The following RAPGEF2 variants were observed in gnomAD, a reference collection of about 807,000 sequenced individuals.
RAPGEF2 encodes the protein PDZ domain containing guanine nucleotide exchange factor (GEF) 1.
Under a neutral mutation model 186.7 loss-of-function variants are expected in RAPGEF2, and 54 were observed. That is an observed-to-expected ratio of 0.29 (90% confidence interval 0.23 to 0.36). RAPGEF2 has a LOEUF of 0.36. RAPGEF2 is among the 10% of genes least tolerant of loss of function. The pLI, the probability that RAPGEF2 is intolerant of heterozygous loss-of-function variation, is 1.00. For synonymous variants in RAPGEF2, 712 were observed against 705.9 expected (o/e 1.01, Z -0.14); for missense variants, 1,532 against 2,045.0 (o/e 0.75, Z 4.84).
intron 3 of RAPGEF2, among the ~76,000 whole-genome samples, chr4:159,196,313 C>T (rs772719819): frequency 6.6e-6 from 1 of 152,102 alleles, no homozygotes; most frequent in African/African-American, 2.4e-5. Flanking sequence ...AATAATAGTA[C>T]TCCTCTTTTT....
rs1732335776 is a variant in RAPGEF2 at position 159,358,281 on chromosome 4, C to T, written c.*142C>T. 5 of 705,302 alleles carry T rather than the reference C, an allele frequency of 7.1e-6. No individual in the cohort carries two copies. In the African/African-American group the frequency reaches 9.0e-5, roughly 13 times the overall value. 43.7% of individuals were successfully genotyped at this position (705,302 alleles called of 1,614,324 possible). A position where few individuals can be genotyped will look rare whatever the true frequency, so the allele number is the denominator to read the frequency against. Reference sequence around the variant, plus strand: ...TCCCTGCCTTAAAAGCAGCATGGGGCTTCTTCTCCCCTTCTTCCTTTCCCC... The same window carrying T: ...TCCCTGCCTTAAAAGCAGCATGGGGTTTCTTCTCCCCTTCTTCCTTTCCCC... On this transcript the variant is annotated 3_prime_UTR_variant, in exon 30 of 30. Coordinates refer to ENST00000691494, the MANE Select transcript of RAPGEF2 (RefSeq NM_001394067.2).
intron 2 of RAPGEF2, among the ~76,000 whole-genome samples, chr4:159,188,590 G>C (rs1311837481): frequency 2.6e-5 from 4 of 151,146 alleles, no homozygotes; most frequent in Non-Finnish European, 5.9e-5. Context: ...CTTGAACCTG[G>C]GAGGCAGAGG....
chr4:159,324,461 A>G (rs887853050), intron 11 of RAPGEF2, among the ~76,000 whole-genome samples: 2 of 152,220 alleles, frequency 1.3e-5, no homozygotes, highest in Non-Finnish European at 2.9e-5. Context: ...TAAGGATGGT[A>G]TTTTTAAATT....
chr4:159,137,181 A>G (rs1194751075), intron 1 of RAPGEF2, among the ~76,000 whole-genome samples: 1 of 152,212 alleles, frequency 6.6e-6, no homozygotes, highest in Admixed American at 6.5e-5. Flanking sequence ...GCCATAACCA[A>G]ATACCATAGA....
At chr4:159,199,170 C>G (rs1017103228) in intron 3 of RAPGEF2, among the ~76,000 whole-genome samples, 2 of 152,030 alleles carry the variant, frequency 1.3e-5, no homozygotes, top group Non-Finnish European at 2.9e-5. Flanking sequence ...GCTCAACCAC[C>G]TCGCCTGTAT....
chr4:159,255,581 G>T (rs1756063453), intron 7 of RAPGEF2, among the ~76,000 whole-genome samples: 1 of 152,108 alleles, frequency 6.6e-6, no homozygotes. Flanking sequence ...CAGAAATGTT[G>T]TCTCAACTCC....
intron 4 of RAPGEF2, among the ~76,000 whole-genome samples, chr4:159,236,579 A>AT (rs900440242): frequency 2.1e-4 from 32 of 152,168 alleles, no homozygotes; most frequent in African/African-American, 7.5e-4. Context: ...AACATTTATG[A>AT]TTTTTTACTA....
chr4:159,114,275 T>G (rs1002256906), intron 1 of RAPGEF2, among the ~76,000 whole-genome samples: 30 of 152,200 alleles, frequency 2.0e-4, no homozygotes, highest in African/African-American at 6.0e-4. Context: ...AGCTAATTTT[T>G]GTATTTTTAG....
At position 159,276,199 on chromosome 4, in the gene RAPGEF2, T is replaced by C. The variant is rs973113532; in HGVS notation, c.544-28143T>C. On this transcript the variant is annotated intron_variant, in intron 7 of 29. Transcript: ENST00000691494. ...GGGGTTTGGGGGAAGTTCAGCAAAA[T>C]TGAGCAATGAGTAAATTTATGCCCC... Among the ~76,000 whole-genome samples, 16 of 152,254 alleles carry C rather than the reference T, an allele frequency of 1.1e-4. No individual in the cohort carries two copies. In the South Asian group the frequency reaches 1.7e-3, roughly 16 times the overall value.
chr4:159,305,261 T>C (rs1442842355), intron 8 of RAPGEF2, among the ~76,000 whole-genome samples: 1 of 152,156 alleles, frequency 6.6e-6, no homozygotes, highest in Non-Finnish European at 1.5e-5. Flanking sequence ...TCCATACTGT[T>C]TTTCATCAAG....
intron 1 of RAPGEF2, among the ~76,000 whole-genome samples, chr4:159,167,450 G>C (rs115072073): frequency 6.6e-6 from 1 of 152,170 alleles, no homozygotes; most frequent in Non-Finnish European, 1.5e-5. Flanking sequence ...GAAGAATGAC[G>C]GTTCAAAGCC....
chr4:159,136,621 A>T (rs1402846605), intron 1 of RAPGEF2, among the ~76,000 whole-genome samples: 1 of 152,214 alleles, frequency 6.6e-6, no homozygotes, highest in Admixed American at 6.5e-5. Flanking sequence ...AACAATGTGA[A>T]TGCCTAGCAC....
intron 8 of RAPGEF2, among the ~76,000 whole-genome samples, chr4:159,307,157 G>C (rs1257075268): frequency 6.6e-6 from 1 of 152,086 alleles, no homozygotes; most frequent in Non-Finnish European, 1.5e-5. Flanking sequence ...ACTGTGGCAT[G>C]AAATAACCGT....
chr4:159,136,701 T>A (rs1741760400), intron 1 of RAPGEF2, among the ~76,000 whole-genome samples: 1 of 152,344 alleles, frequency 6.6e-6, no homozygotes, highest in South Asian at 2.1e-4. Context: ...ATTTCAGTTC[T>A]GTTTTCTATA....
chr4:159,330,560 G>T, intron 13 of RAPGEF2, 62 bp downstream of exon 13: 1 of 1,179,494 alleles, frequency 8.5e-7, no homozygotes, highest in Non-Finnish European at 1.2e-6. Flanking sequence ...ATACTTTAAT[G>T]TGTATATTTG....
At chr4:159,173,882 A>G (rs918400300) in intron 1 of RAPGEF2, among the ~76,000 whole-genome samples, 3 of 152,210 alleles carry the variant, frequency 2.0e-5, no homozygotes, top group Non-Finnish European at 4.4e-5. Flanking sequence ...TTGACTACAA[A>G]TATTGCAGTC....
Position 159,358,192 on chromosome 4 carries a change from A to G in RAPGEF2, c.*53A>G, listed in dbSNP as rs1732325624. 9 of 1,563,952 alleles carry G rather than the reference A, an allele frequency of 5.8e-6. No individual in the cohort carries two copies. In the South Asian group the frequency reaches 1.0e-4, roughly 18 times the overall value. ...AGCCACCTGAAAGGAGAGCACAAGA[A>G]GACGTCCTGAGCATTGGAGCCTTGG... On this transcript the variant is annotated 3_prime_UTR_variant, in exon 30 of 30. Coordinates refer to ENST00000691494, the MANE Select transcript of RAPGEF2 (RefSeq NM_001394067.2).
intron 1 of RAPGEF2, among the ~76,000 whole-genome samples, chr4:159,130,093 C>T (rs753195080): frequency 3.3e-5 from 5 of 152,108 alleles, no homozygotes; most frequent in African/African-American, 7.2e-5. Context: ...ACTGTCATGG[C>T]GCTAGTGGGA....
intron 7 of RAPGEF2, among the ~76,000 whole-genome samples, chr4:159,259,299 T>C (rs1337548624): frequency 6.6e-6 from 1 of 152,232 alleles, no homozygotes; most frequent in Non-Finnish European, 1.5e-5. Flanking sequence ...AGTATACCAT[T>C]TAAGTGCCTT....
Sources: gnomAD v4.1 joint callset for allele counts (sites outside exome capture counted in the v4.1 genomes callset) on GRCh38, gnomAD v4.1.1 for gene constraint, MANE v1.5 for transcripts, NCBI Gene and HGNC (gene_info 2026-07-23, HGNC 2026-07-21) for gene names.